Variants in PRDM1 observed in about 807,000 individuals in gnomAD.
PRDM1 encodes PR domain zinc finger protein 1.
In PRDM1, 13 loss-of-function variants were observed where a neutral mutation model predicts 62.8. The observed-to-expected ratio is 0.21, with a 90% CI of 0.13 to 0.33. The LOEUF (loss-of-function observed/expected upper bound fraction) is 0.33. Ranked by LOEUF, PRDM1 falls within the 10% of genes least tolerant of loss-of-function variation. The probability of loss-of-function intolerance (pLI) is 1.00; values close to 1 mark genes in which losing one functional copy is unlikely to be tolerated. For missense variants in PRDM1, 895 were observed against 1,058.8 expected, an observed-to-expected ratio of 0.85 and a Z score of 2.15; for synonymous variants, 396 against 417.6, an observed-to-expected ratio of 0.95 and a Z score of 0.63.
At chr6:106,065,144 A>G (rs911855695) in intron 1 of PRDM1, among the ~76,000 whole-genome samples, 17 of 152,012 alleles carry the variant, frequency 1.1e-4, no homozygotes, top group African/African-American at 4.1e-4. Flanking sequence ...TTATTGAACA[A>G]GTGTTTCTTT....
chr6:106,018,965 G>A (rs577091511), intron 1 of PRDM1, among the ~76,000 whole-genome samples: 2 of 152,128 alleles, frequency 1.3e-5, no homozygotes, highest in Admixed American at 6.5e-5. Context: ...TTGATATAGT[G>A]GGGTTTTATA....
At chr6:106,074,095 T>G (rs868732594) in intron 1 of PRDM1, among the ~76,000 whole-genome samples, 3 of 152,180 alleles carry the variant, frequency 2.0e-5, no homozygotes, top group Middle Eastern at 6.8e-3. Flanking sequence ...AAACTGAAAA[T>G]GGAGAAGGTA....
At chr6:106,073,104 T>C (rs898360112) in intron 1 of PRDM1, among the ~76,000 whole-genome samples, 1 of 141,752 alleles carries the variant, frequency 7.1e-6, no homozygotes, top group African/African-American at 2.5e-5. Context: ...TTTCCTCTTT[T>C]CTTTTTTTTT....
At chr6:106,078,164 A>G (rs1562161067) in intron 1 of PRDM1, 1 of 152,244 alleles carries the variant, frequency 6.6e-6, no homozygotes, top group Non-Finnish European at 1.5e-5. Flanking sequence ...CTGTAGAGAA[A>G]AAGTGAGTAC....
chr6:106,060,624 G>A (rs1245864911), intron 1 of PRDM1, among the ~76,000 whole-genome samples: 1 of 152,142 alleles, frequency 6.6e-6, no homozygotes, highest in Non-Finnish European at 1.5e-5. Flanking sequence ...GTAAATACTG[G>A]AGAATGAAAA....
Position 106,105,741 on chromosome 6 carries a change from T to G in PRDM1, c.1581T>G (p.His527Gln). ...CGGGAACAGCCGCCACGGCAGAACATGTGGTGCAGCCCAAAGCTACCTCAG... is the reference window on the plus strand; with the variant it reads ...CGGGAACAGCCGCCACGGCAGAACAGGTGGTGCAGCCCAAAGCTACCTCAG... ...PTAGTAATAE[H>Q]VVQPKATSAA... Residue 527 changes from histidine (H) to glutamine (Q), a missense_variant, in exon 5 of 7, where the codon CAT becomes CAG. Physicochemically the swap from His to Gln is conservative, Grantham distance 24 (BLOSUM62 0). Around this residue, in one of 4 missense-constraint regions of PRDM1, gnomAD observed 444 missense variants for 422.7 expected, o/e 1.05. Transcript: ENST00000369096. 6.2e-7 allele frequency: 1 copy of G among 1,614,102 alleles called. No individual in the cohort carries two copies. The highest frequency in any genetic ancestry group is 1.1e-5 in the South Asian group (1 of 91,088).
At chr6:106,070,146 A>G (rs1302740062) in intron 1 of PRDM1, among the ~76,000 whole-genome samples, 1 of 152,214 alleles carries the variant, frequency 6.6e-6, no homozygotes, top group African/African-American at 2.4e-5. Context: ...TTTGTGTCAG[A>G]TGGGGATTAT....
intron 1 of PRDM1, among the ~76,000 whole-genome samples, chr6:106,020,197 A>AT (rs1303704885): frequency 1.3e-5 from 2 of 150,958 alleles, no homozygotes; most frequent in Admixed American, 6.6e-5. Flanking sequence ...AAAAAAAAAA[A>AT]CCCACAAACA....
chr6:106,034,300 G>C (rs1562149299), intron 1 of PRDM1, among the ~76,000 whole-genome samples: 1 of 151,392 alleles, frequency 6.6e-6, no homozygotes, highest in Non-Finnish European at 1.5e-5. Context: ...TCTGGCTTTG[G>C]GTTTAGTTTG....
Position 106,088,003 on chromosome 6 carries a change from C to T in PRDM1, c.43-198C>T, listed in dbSNP as rs539920625. ...TTCTTTTTTTTTTTTTTTTTTTTAACTAAGAGTAGCATTTAAAAACCTTGC... is the reference window on the plus strand; with the variant it reads ...TTCTTTTTTTTTTTTTTTTTTTTAATTAAGAGTAGCATTTAAAAACCTTGC... On this transcript the variant is annotated intron_variant, in intron 1 of 6. Coordinates refer to ENST00000369096, the MANE Select transcript of PRDM1 (RefSeq NM_001198.4). The T allele has an allele frequency of 5.8e-3, 866 of 149,642 alleles. 4 individuals are homozygous for T. Among genetic ancestry groups the T allele is most frequent in the Non-Finnish European group, 6.1e-3 (509 of 83,952 alleles). 9.3% of individuals were successfully genotyped at this position (149,642 alleles called of 1,614,324 possible).
At chr6:106,060,312 G>C (rs1773327859) in intron 1 of PRDM1, among the ~76,000 whole-genome samples, 1 of 152,190 alleles carries the variant, frequency 6.6e-6, no homozygotes. Context: ...TGTGTCAAGT[G>C]CTGCTCAGAG....
At chr6:106,073,218 G>A (rs763003387) in intron 1 of PRDM1, among the ~76,000 whole-genome samples, 7 of 151,602 alleles carry the variant, frequency 4.6e-5, no homozygotes, top group South Asian at 2.1e-4. Flanking sequence ...GGGTTCAAGC[G>A]ATTCTTCTGC....
chr6:106,062,927 C>T (rs1051985553), intron 1 of PRDM1, among the ~76,000 whole-genome samples: 4 of 152,126 alleles, frequency 2.6e-5, no homozygotes, highest in South Asian at 4.1e-4. Flanking sequence ...TCCCACCCCC[C>T]AAAAACGCCT....
chr6:105,999,908 C>T (rs373068575), intron 1 of PRDM1, among the ~76,000 whole-genome samples: 1 of 152,146 alleles, frequency 6.6e-6, no homozygotes, highest in Admixed American at 6.5e-5. Flanking sequence ...GGCTGGAGTG[C>T]AGTGGCGCCA....
chr6:106,069,378 A>T (rs1029644694), intron 1 of PRDM1, among the ~76,000 whole-genome samples: 11 of 152,226 alleles, frequency 7.2e-5, no homozygotes, highest in Non-Finnish European at 1.6e-4. Context: ...TTGTAGACTC[A>T]TGCAACTCCA....
chr6:106,000,806 A>G (rs1251668256), intron 1 of PRDM1, among the ~76,000 whole-genome samples: 1 of 152,214 alleles, frequency 6.6e-6, no homozygotes, highest in Non-Finnish European at 1.5e-5. Context: ...TATCTATTTT[A>G]TAATGTTCAC....
At chr6:106,078,813 C>T (rs769278781) in intron 1 of PRDM1, among the ~76,000 whole-genome samples, 3 of 152,038 alleles carry the variant, frequency 2.0e-5, no homozygotes, top group Admixed American at 1.3e-4. Context: ...ATGATTGTGC[C>T]ACTGCACTCC....
intron 1 of PRDM1, among the ~76,000 whole-genome samples, chr6:106,034,613 T>TA (rs1772897107): frequency 6.6e-6 from 1 of 151,004 alleles, no homozygotes; most frequent in African/African-American, 2.4e-5. Flanking sequence ...ACTACAGTCT[T>TA]ACAGTCTTTC....
At chr6:106,054,255 A>G (rs1468273832) in intron 1 of PRDM1, among the ~76,000 whole-genome samples, 3 of 150,206 alleles carry the variant, frequency 2.0e-5, no homozygotes, top group Non-Finnish European at 4.4e-5. Flanking sequence ...GGTATTTTAC[A>G]AAATGAATTT....
Sources: gnomAD v4.1 joint callset for allele counts (sites outside exome capture counted in the v4.1 genomes callset) on GRCh38, gnomAD v4.1.1 for gene constraint, gnomAD v4.1.1 regional missense constraint, MANE v1.5 for transcripts, NCBI Gene and HGNC (gene_info 2026-07-23, HGNC 2026-07-21) for gene names.